VWC2L: variants seen among roughly 807,000 people sequenced by gnomAD.
VWC2L encodes the protein von Willebrand factor C domain containing 2 like, also known as von Willebrand factor C domain-containing protein 2-like.
Under a neutral mutation model 21.6 loss-of-function variants are expected in VWC2L, and 10 were observed. The ratio of observed to expected loss-of-function variants is 0.46; its 90% CI spans 0.29 to 0.78. VWC2L has a LOEUF of 0.78. Ranked by LOEUF, VWC2L falls within the 30% of genes least tolerant of loss-of-function variation. The probability of loss-of-function intolerance (pLI) is 0.10; values close to 1 mark genes in which losing one functional copy is unlikely to be tolerated. For synonymous variants in VWC2L, 96 were observed against 94.3 expected, an observed-to-expected ratio of 1.02 and a Z score of -0.10; for missense variants, 209 against 277.1, an observed-to-expected ratio of 0.75 and a Z score of 1.74.
chr2:214,441,122 G>A (rs1197757133), intron 3 of VWC2L, among the ~76,000 whole-genome samples: 2 of 152,062 alleles, frequency 1.3e-5, no homozygotes, highest in African/African-American at 2.4e-5. Flanking sequence ...ATGCAAATGG[G>A]CAGAAAATAA....
intron 3 of VWC2L, among the ~76,000 whole-genome samples, chr2:214,461,793 C>CAGTGGCAGCAGTGGCGGT (rs1394246566): frequency 2.0e-5 from 3 of 152,130 alleles, no homozygotes; most frequent in Non-Finnish European, 4.4e-5. Flanking sequence ...GCAGTGGCGG[C>CAGTGGCAGCAGTGGCGGT]AGTGGCAGCA....
At chr2:214,483,957 G>T (rs1688641734) in intron 3 of VWC2L, among the ~76,000 whole-genome samples, 1 of 152,048 alleles carries the variant, frequency 6.6e-6, no homozygotes, top group South Asian at 2.1e-4. Flanking sequence ...GTGTTGCAAG[G>T]GCCATCTTCC....
intron 3 of VWC2L, among the ~76,000 whole-genome samples, chr2:214,476,303 C>A (rs567407681): frequency 6.6e-6 from 1 of 152,222 alleles, no homozygotes; most frequent in Admixed American, 6.5e-5. Flanking sequence ...CATGCACATT[C>A]CAATTGATAG....
chr2:214,495,955 CA>C (rs1181528682), intron 3 of VWC2L, among the ~76,000 whole-genome samples: 1 of 152,098 alleles, frequency 6.6e-6, no homozygotes, highest in Non-Finnish European at 1.5e-5. Context: ...TGCTTAACAT[CA>C]AGGATACATT....
At chr2:214,501,208 A>C (rs1688885905) in intron 3 of VWC2L, among the ~76,000 whole-genome samples, 1 of 152,036 alleles carries the variant, frequency 6.6e-6, no homozygotes, top group South Asian at 2.1e-4. Flanking sequence ...ATATTCAGTA[A>C]TTTTTCACAA....
At chr2:214,444,936 C>T (rs1305645657) in intron 3 of VWC2L, among the ~76,000 whole-genome samples, 1 of 151,796 alleles carries the variant, frequency 6.6e-6, no homozygotes, top group Non-Finnish European at 1.5e-5. Context: ...TAAATATTAA[C>T]TTGTTCTGAG....
At chr2:214,414,043 A>T (rs1702316308) in intron 1 of VWC2L, 71 bp from the exon 2 acceptor site, 4 of 841,140 alleles carry the variant, frequency 4.8e-6, no homozygotes. Context: ...ACAGTTTAAG[A>T]GCGTGGGCTT....
At chr2:214,547,773 C>T (rs530332495) in intron 3 of VWC2L, among the ~76,000 whole-genome samples, 1 of 152,286 alleles carries the variant, frequency 6.6e-6, no homozygotes, top group African/African-American at 2.4e-5. Context: ...ACATAAGTAA[C>T]TGGGTTTTGG....
chr2:214,538,540 T>G (rs952051800), intron 3 of VWC2L, among the ~76,000 whole-genome samples: 1 of 151,926 alleles, frequency 6.6e-6, no homozygotes, highest in Non-Finnish European at 1.5e-5. Context: ...GGACAACTAC[T>G]GCAACATAGA....
intron 3 of VWC2L, among the ~76,000 whole-genome samples, chr2:214,556,037 G>GCA: frequency 6.6e-6 from 1 of 152,236 alleles, no homozygotes; most frequent in Middle Eastern, 3.4e-3. Flanking sequence ...ACTCAGATGA[G>GCA]CACATCAAGT....
At chr2:214,483,385 T>A (rs548660845) in intron 3 of VWC2L, among the ~76,000 whole-genome samples, 2 of 150,112 alleles carry the variant, frequency 1.3e-5, no homozygotes, top group African/African-American at 4.9e-5. Flanking sequence ...ATTAGCATGA[T>A]AAAAATTAGA....
At position 214,436,720 on chromosome 2, in the gene VWC2L, T is replaced by C. The variant is rs763067911; in HGVS notation, c.482T>C (p.Val161Ala). 14 of 1,613,234 alleles carry C rather than the reference T, an allele frequency of 8.7e-6. No homozygotes were observed. The East Asian group carries it at 2.9e-4, about 33-fold the overall frequency. Reference protein sequence around the residue: ...DCAVPECVNPVYEPEQCCPVC... With the variant: ...DCAVPECVNPAYEPEQCCPVC... Reference sequence around the variant, plus strand: ...GCAGTTCCTGAGTGTGTCAACCCAGTCTATGAACCAGAACAATGTTGTCCT... The same window carrying C: ...GCAGTTCCTGAGTGTGTCAACCCAGCCTATGAACCAGAACAATGTTGTCCT... The change falls in exon 3 of 4, where the codon GTC (valine) becomes GCC (alanine). Residue 161 changes from valine (V) to alanine (A), a missense_variant. Coordinates refer to ENST00000312504, the MANE Select transcript of VWC2L (RefSeq NM_001080500.4).
intron 3 of VWC2L, among the ~76,000 whole-genome samples, chr2:214,508,873 T>G (rs2105904632): frequency 6.6e-6 from 1 of 152,346 alleles, no homozygotes; most frequent in East Asian, 1.9e-4. Flanking sequence ...TTCTGACCCA[T>G]TCCCTAAAAG....
At chr2:214,532,298 TA>T in intron 3 of VWC2L, among the ~76,000 whole-genome samples, 1 of 152,296 alleles carries the variant, frequency 6.6e-6, no homozygotes, top group Admixed American at 6.5e-5. Context: ...ATTCCAGATG[TA>T]AAAGCTGGTG....
At chr2:214,538,569 C>G (rs1296866377) in intron 3 of VWC2L, among the ~76,000 whole-genome samples, 2 of 148,996 alleles carry the variant, frequency 1.3e-5, no homozygotes, top group East Asian at 4.0e-4. Context: ...AGAATGCAAA[C>G]AGATTCTCCA....
intron 2 of VWC2L, among the ~76,000 whole-genome samples, chr2:214,427,060 A>C (rs1338267569): frequency 6.6e-6 from 1 of 152,218 alleles, no homozygotes; most frequent in East Asian, 1.9e-4. Context: ...TTTAGAGATT[A>C]AAAACAAAAT....
At chr2:214,480,502 A>C (rs1404743378) in intron 3 of VWC2L, among the ~76,000 whole-genome samples, 1 of 152,210 alleles carries the variant, frequency 6.6e-6, no homozygotes, top group Admixed American at 6.5e-5. Context: ...AAAAGCCCAA[A>C]GAATCACGCT....
At chr2:214,531,404 C>G (rs1187665477) in intron 3 of VWC2L, among the ~76,000 whole-genome samples, 1 of 152,092 alleles carries the variant, frequency 6.6e-6, no homozygotes, top group East Asian at 1.9e-4. Context: ...TACAGGAGTC[C>G]TTCTTCCAAA....
intron 3 of VWC2L, among the ~76,000 whole-genome samples, chr2:214,437,882 G>T (rs1469128655): frequency 1.3e-5 from 2 of 151,910 alleles, no homozygotes; most frequent in African/African-American, 4.8e-5. Context: ...AAAAACCTTT[G>T]TGACATTTTC....
Sources: allele counts gnomAD v4.1 joint callset (sites outside exome capture counted in the v4.1 genomes callset), GRCh38; gene constraint gnomAD v4.1.1; transcripts MANE v1.5; gene names NCBI Gene and HGNC (gene_info 2026-07-23, HGNC 2026-07-21).